Variants in AGBL4 observed in about 807,000 individuals in gnomAD.
AGBL4 encodes the protein cytosolic carboxypeptidase 6.
A neutral mutation model predicts 66.4 loss-of-function variants in AGBL4; 58 were observed. The observed-to-expected ratio is 0.87, with a 90% CI of 0.71 to 1.09. AGBL4 has a LOEUF of 1.09. Ranked by LOEUF, AGBL4 falls within the 50% of genes least tolerant of loss-of-function variation. The pLI, the probability that AGBL4 is intolerant of heterozygous loss-of-function variation, is 0.00. For synonymous variants in AGBL4, 234 were observed against 222.9 expected, an observed-to-expected ratio of 1.05 and a Z score of -0.44; for missense variants, 579 against 631.0, an observed-to-expected ratio of 0.92 and a Z score of 0.88.
intron 1 of AGBL4, among the ~76,000 whole-genome samples, chr1:49,883,316 T>A (rs1232166608): frequency 6.6e-6 from 1 of 152,082 alleles, no homozygotes; most frequent in Non-Finnish European, 1.5e-5. Context: ...TATGGAGAAG[T>A]CCTACCCAAC....
intron 3 of AGBL4, among the ~76,000 whole-genome samples, chr1:49,644,167 T>C (rs1315788108): frequency 6.6e-6 from 1 of 151,602 alleles, no homozygotes; most frequent in Non-Finnish European, 1.5e-5. Context: ...ATGTATACTA[T>C]AAATCCTAAA....
chr1:49,173,595 G>A (rs1019049678), intron 4 of AGBL4, among the ~76,000 whole-genome samples: 1 of 152,272 alleles, frequency 6.6e-6, no homozygotes, highest in African/African-American at 2.4e-5. Context: ...ATTATAGTGG[G>A]AAAAGACTGA....
intron 5 of AGBL4, among the ~76,000 whole-genome samples, chr1:49,041,893 G>A (rs1373099539): frequency 1.3e-4 from 20 of 151,976 alleles, no homozygotes; most frequent in Admixed American, 1.3e-3. Context: ...AATGGCTCTG[G>A]CTTTTCTTGC....
chr1:49,528,324 A>G (rs940589544), intron 3 of AGBL4, among the ~76,000 whole-genome samples: 5 of 152,060 alleles, frequency 3.3e-5, no homozygotes, highest in Non-Finnish European at 2.9e-5. Context: ...GTTTTTTTCA[A>G]CTTAAACTAG....
At chr1:49,260,535 C>T (rs959606013) in intron 3 of AGBL4, among the ~76,000 whole-genome samples, 1 of 152,146 alleles carries the variant, frequency 6.6e-6, no homozygotes, top group Non-Finnish European at 1.5e-5. Context: ...AACACCTCTA[C>T]ACAAATAAAC....
At chr1:49,953,957 G>A (rs1656375350) in intron 1 of AGBL4, among the ~76,000 whole-genome samples, 1 of 151,854 alleles carries the variant, frequency 6.6e-6, no homozygotes. Context: ...GCAGTCGTGT[G>A]ATAATAGCTC....
At chr1:49,129,607 T>A (rs1645844908) in intron 4 of AGBL4, among the ~76,000 whole-genome samples, 1 of 151,990 alleles carries the variant, frequency 6.6e-6, no homozygotes, top group African/African-American at 2.4e-5. Context: ...AATGATGATT[T>A]CCAATTTCAT....
At chr1:49,529,195 C>A (rs952130069) in intron 3 of AGBL4, among the ~76,000 whole-genome samples, 1 of 151,866 alleles carries the variant, frequency 6.6e-6, no homozygotes, top group African/African-American at 2.4e-5. Flanking sequence ...TGAAATAAGA[C>A]CGTGGTGATA....
intron 5 of AGBL4, among the ~76,000 whole-genome samples, chr1:48,901,811 T>C (rs1375581007): frequency 1.3e-5 from 2 of 152,070 alleles, no homozygotes; most frequent in African/African-American, 4.8e-5. Flanking sequence ...TTGAGGGTGG[T>C]ATATTGTTTA....
At chr1:49,037,496 G>A (rs1664758910) in intron 5 of AGBL4, among the ~76,000 whole-genome samples, 1 of 151,980 alleles carries the variant, frequency 6.6e-6, no homozygotes, top group South Asian at 2.1e-4. Context: ...CTCCTCACTT[G>A]GCTTCTACTT....
chr1:48,939,172 G>C (rs558170448), intron 5 of AGBL4, among the ~76,000 whole-genome samples: 2 of 152,330 alleles, frequency 1.3e-5, no homozygotes, highest in South Asian at 4.1e-4. Context: ...GTGGGTTTTT[G>C]TGTGATTCAT....
intron 2 of AGBL4, among the ~76,000 whole-genome samples, chr1:49,804,514 G>A (rs1171188493): frequency 1.3e-5 from 2 of 152,114 alleles, no homozygotes. Context: ...TCACCTATAT[G>A]CAAGTAATTC....
At chr1:48,668,458 C>T (rs1257824005) in intron 6 of AGBL4, among the ~76,000 whole-genome samples, 1 of 152,200 alleles carries the variant, frequency 6.6e-6, no homozygotes. Flanking sequence ...TCTCTGGTAG[C>T]TGGTGGCTGC....
intron 1 of AGBL4, among the ~76,000 whole-genome samples, chr1:49,876,455 A>T (rs1369911851): frequency 2.4e-5 from 1 of 41,378 alleles, no homozygotes; most frequent in African/African-American, 1.1e-4. Context: ...TTTGTCAAAG[A>T]TCAGATAGTT....
intron 3 of AGBL4, among the ~76,000 whole-genome samples, chr1:49,573,247 A>T (rs1272631044): frequency 6.6e-6 from 1 of 151,624 alleles, no homozygotes; most frequent in Non-Finnish European, 1.5e-5. Context: ...TAGTACCAGG[A>T]GAGGTTCTAG....
intron 1 of AGBL4, among the ~76,000 whole-genome samples, chr1:49,885,072 AT>A (rs1357688756): frequency 6.6e-6 from 1 of 151,976 alleles, no homozygotes; most frequent in Non-Finnish European, 1.5e-5. Flanking sequence ...AGCAGTTCAT[AT>A]TGGTCAAAGT....
intron 1 of AGBL4, among the ~76,000 whole-genome samples, chr1:50,003,348 C>A (rs1488216803): frequency 6.6e-6 from 1 of 152,178 alleles, no homozygotes; most frequent in Non-Finnish European, 1.5e-5. Flanking sequence ...TCAAAGATTG[C>A]TTTACTATTC....
intron 6 of AGBL4, among the ~76,000 whole-genome samples, chr1:48,834,130 C>G (rs1158129930): frequency 1.3e-5 from 2 of 152,160 alleles, no homozygotes; most frequent in Admixed American, 1.3e-4. Context: ...ATAGGAATGT[C>G]AATTCTATGA....
chr1:48,683,282 C>T (rs570090436), intron 6 of AGBL4, among the ~76,000 whole-genome samples: 2 of 152,232 alleles, frequency 1.3e-5, no homozygotes, highest in South Asian at 4.1e-4. Flanking sequence ...GTCTGAGGAA[C>T]CACTCCAGCT....
Sources: allele counts gnomAD v4.1 joint callset (sites outside exome capture counted in the v4.1 genomes callset), GRCh38; gene constraint gnomAD v4.1.1; transcripts MANE v1.5; gene names NCBI Gene and HGNC (gene_info 2026-07-23, HGNC 2026-07-21).